Variants in ST18 observed in about 807,000 individuals in gnomAD.
ST18 encodes suppression of tumorigenicity 18 protein.
In ST18, 50 loss-of-function variants were observed where a neutral mutation model predicts 110.0. That is an observed-to-expected ratio of 0.45 (90% CI 0.36 to 0.58). The LOEUF (loss-of-function observed/expected upper bound fraction) is 0.58, where lower values mean the gene tolerates loss of function less well. ST18 is among the 20% of genes least tolerant of loss of function. ST18 has a pLI of 0.00. For missense variants in ST18, 1,306 were observed against 1,280.1 expected (o/e 1.02, Z -0.31); for synonymous variants, 461 against 452.4 (o/e 1.02, Z -0.24).
chr8:52,330,949 G>A (rs1303722499), intron 2 of ST18, among the ~76,000 whole-genome samples: 2 of 152,198 alleles, frequency 1.3e-5, no homozygotes, highest in African/African-American at 2.4e-5. Context: ...TGGAGAGGCA[G>A]ACAGACAGAG....
intron 2 of ST18, among the ~76,000 whole-genome samples, chr8:52,268,487 CTATCTATCTATCTATCTATCTATT>C (rs1379138184): frequency 3.1e-4 from 46 of 150,468 alleles, no homozygotes; most frequent in African/African-American, 8.8e-4. Context: ...ATCTATCTAT[CTATCTATCTATCTATCTATCTATT>C]TATCTATCTA....
At chr8:52,149,618 C>T (rs2058272094) in intron 16 of ST18, 114 bp downstream of exon 16, 1 of 1,385,742 alleles carries the variant, frequency 7.2e-7, no homozygotes, top group Admixed American at 2.9e-5. Context: ...AAGCAAGGTA[C>T]AGAATTATGT....
At chr8:52,200,106 T>C (rs1260745777) in intron 8 of ST18, among the ~76,000 whole-genome samples, 2 of 152,180 alleles carry the variant, frequency 1.3e-5, no homozygotes, top group African/African-American at 2.4e-5. Context: ...GCTCCTATAA[T>C]GTGGCAGGCA....
At chr8:52,281,319 G>T (rs2095372096) in intron 2 of ST18, among the ~76,000 whole-genome samples, 1 of 151,964 alleles carries the variant, frequency 6.6e-6, no homozygotes, top group African/African-American at 2.4e-5. Context: ...AAGAAACAAA[G>T]TAATAAATAG....
At chr8:52,281,930 A>G (rs559243027) in intron 2 of ST18, among the ~76,000 whole-genome samples, 1 of 152,356 alleles carries the variant, frequency 6.6e-6, no homozygotes, top group South Asian at 2.1e-4. Flanking sequence ...AAGACTACAC[A>G]TTGGGTACAA....
chr8:52,182,412 A>G (rs1341733352), intron 8 of ST18, among the ~76,000 whole-genome samples: 1 of 152,196 alleles, frequency 6.6e-6, no homozygotes, highest in Non-Finnish European at 1.5e-5. Context: ...TCCATGAATA[A>G]TTGACAAATT....
chr8:52,172,873 T>G (rs984294767), intron 9 of ST18, among the ~76,000 whole-genome samples: 1 of 152,190 alleles, frequency 6.6e-6, no homozygotes, highest in Non-Finnish European at 1.5e-5. Flanking sequence ...AAGAGGTAAG[T>G]ACTTCTGGGG....
At chr8:52,275,355 G>C (rs2095210274) in intron 2 of ST18, among the ~76,000 whole-genome samples, 1 of 152,140 alleles carries the variant, frequency 6.6e-6, no homozygotes, top group African/African-American at 2.4e-5. Context: ...TAAATAAAAT[G>C]AGACGGATGA....
At chr8:52,340,113 T>C (rs1049445576) in intron 2 of ST18, among the ~76,000 whole-genome samples, 12 of 152,268 alleles carry the variant, frequency 7.9e-5, no homozygotes, top group African/African-American at 2.9e-4. Flanking sequence ...CAAAGGCAAG[T>C]TAATAATGCA....
intron 2 of ST18, among the ~76,000 whole-genome samples, chr8:52,348,458 C>T (rs1352966746): frequency 6.6e-6 from 1 of 152,186 alleles, no homozygotes; most frequent in Non-Finnish European, 1.5e-5. Context: ...ACAGATAAAA[C>T]TGTGTATATT....
At chr8:52,168,691 A>G (rs1195426960) in intron 10 of ST18, among the ~76,000 whole-genome samples, 1 of 152,048 alleles carries the variant, frequency 6.6e-6, no homozygotes, top group Non-Finnish European at 1.5e-5. Flanking sequence ...GAAAGATAGG[A>G]CCTAAATGTG....
chr8:52,138,750 G>T (rs142365208), intron 17 of ST18, among the ~76,000 whole-genome samples: 2 of 152,090 alleles, frequency 1.3e-5, no homozygotes, highest in Non-Finnish European at 2.9e-5. Flanking sequence ...TGTTATTTGC[G>T]GTGGTGTCAG....
chr8:52,283,733 G>A (rs562529324), intron 2 of ST18, among the ~76,000 whole-genome samples: 1 of 152,246 alleles, frequency 6.6e-6, no homozygotes, highest in Non-Finnish European at 1.5e-5. Flanking sequence ...GAGGAGTACT[G>A]ACAGTTCTGG....
chr8:52,161,710 G>A, intron 13 of ST18, 142 bp from the exon 14 acceptor site: 1 of 960,318 alleles, frequency 1.0e-6, no homozygotes, highest in East Asian at 2.6e-5. Context: ...ACGGGGCCAT[G>A]GCAGGACAGA....
At chr8:52,223,854 G>C (rs1338072728) in intron 3 of ST18, among the ~76,000 whole-genome samples, 2 of 152,138 alleles carry the variant, frequency 1.3e-5, no homozygotes, top group Non-Finnish European at 2.9e-5. Flanking sequence ...AAGGGAACCA[G>C]ACCATTCTGT....
At chr8:52,219,782 C>T (rs570008456) in intron 5 of ST18, among the ~76,000 whole-genome samples, 3 of 152,246 alleles carry the variant, frequency 2.0e-5, no homozygotes, top group South Asian at 2.1e-4. Context: ...AAATGCACTG[C>T]CATAAAGGAA....
At chr8:52,388,772 A>T (rs1286966914) in intron 2 of ST18, among the ~76,000 whole-genome samples, 1 of 135,160 alleles carries the variant, frequency 7.4e-6, no homozygotes, top group Non-Finnish European at 1.5e-5. Flanking sequence ...AACAAGCAAC[A>T]CATGGACACA....
intron 24 of ST18, among the ~76,000 whole-genome samples, chr8:52,117,325 C>T (rs2130527292): frequency 6.6e-6 from 1 of 152,332 alleles, no homozygotes; most frequent in Non-Finnish European, 1.5e-5. Flanking sequence ...GGATGGCTTT[C>T]TTCTTCCTGG....
At chr8:52,154,605 G>A (rs3849814) in intron 15 of ST18, 11,988 of 152,264 alleles carry the variant, frequency 0.079, 880 homozygotes, top group African/African-American at 0.19. Flanking sequence ...TCTCCCACCT[G>A]TGGCCCCGTG....
Sources: gnomAD v4.1 joint callset for allele counts (sites outside exome capture counted in the v4.1 genomes callset) on GRCh38, gnomAD v4.1.1 for gene constraint, MANE v1.5 for transcripts, NCBI Gene and HGNC (gene_info 2026-07-23, HGNC 2026-07-21) for gene names.